The following GMDS variants were observed in gnomAD, a reference collection of about 807,000 sequenced individuals.
GMDS encodes the protein GDP-mannose 4,6-dehydratase, also known as GDP-mannose 4,6 dehydratase.
Under a neutral mutation model 49.9 loss-of-function variants are expected in GMDS, and 20 were observed. That is an observed-to-expected ratio of 0.40 (90% CI 0.28 to 0.58). GMDS has a LOEUF of 0.58. Ranked by LOEUF, GMDS falls within the 20% of genes least tolerant of loss-of-function variation. The probability of loss-of-function intolerance (pLI) is 0.42; values close to 1 mark genes in which losing one functional copy is unlikely to be tolerated. For missense variants in GMDS, 362 were observed against 481.4 expected, an observed-to-expected ratio of 0.75 and a Z score of 2.32; for synonymous variants, 177 against 178.6, an observed-to-expected ratio of 0.99 and a Z score of 0.07.
chr6:1,707,884 G>C (rs1372476587), intron 9 of GMDS, among the ~76,000 whole-genome samples: 1 of 152,218 alleles, frequency 6.6e-6, no homozygotes, highest in East Asian at 1.9e-4. Flanking sequence ...TGTTGGCAGG[G>C]CTGGGGCCCT....
chr6:1,644,747 C>T (rs1763435547), intron 9 of GMDS, among the ~76,000 whole-genome samples: 1 of 152,158 alleles, frequency 6.6e-6, no homozygotes, highest in Non-Finnish European at 1.5e-5. Context: ...GCCACCCCCA[C>T]TGCCGTTTCT....
intron 4 of GMDS, among the ~76,000 whole-genome samples, chr6:1,979,524 C>A (rs1308990579): frequency 6.6e-6 from 1 of 152,066 alleles, no homozygotes; most frequent in Non-Finnish European, 1.5e-5. Flanking sequence ...TAAACAAAAC[C>A]TCTGAGAAAT....
chr6:1,797,278 C>G (rs188574298), intron 7 of GMDS, among the ~76,000 whole-genome samples: 1 of 152,198 alleles, frequency 6.6e-6, no homozygotes, highest in Non-Finnish European at 1.5e-5. Context: ...CCCCACCCCC[C>G]AGTCAGTGGA....
chr6:1,892,161 T>C (rs28515976), intron 7 of GMDS, among the ~76,000 whole-genome samples: 1 of 152,156 alleles, frequency 6.6e-6, no homozygotes, highest in Non-Finnish European at 1.5e-5. Flanking sequence ...CCTACTTAAA[T>C]ATGACATTTC....
chr6:1,732,532 A>G (rs1766851230), intron 8 of GMDS, among the ~76,000 whole-genome samples: 1 of 152,222 alleles, frequency 6.6e-6, no homozygotes, highest in Non-Finnish European at 1.5e-5. Flanking sequence ...GGAGGCCGAC[A>G]GATAAGTCCC....
chr6:1,692,551 G>A (rs1404622864), intron 9 of GMDS, among the ~76,000 whole-genome samples: 1 of 152,146 alleles, frequency 6.6e-6, no homozygotes, highest in East Asian at 1.9e-4. Context: ...TTAGGGCATT[G>A]GAAGTTGTCC....
At chr6:1,913,388 CAAAAAA>C (rs56262461) in intron 7 of GMDS, among the ~76,000 whole-genome samples, 4 of 103,976 alleles carry the variant, frequency 3.8e-5, no homozygotes, top group Admixed American at 1.1e-4. Flanking sequence ...CTCAAACAAA[CAAAAAA>C]AAAAAAAAAA....
At chr6:1,628,048 G>A (rs1762895579) in intron 9 of GMDS, among the ~76,000 whole-genome samples, 1 of 152,164 alleles carries the variant, frequency 6.6e-6, no homozygotes, top group South Asian at 2.1e-4. Flanking sequence ...TTTGACCTTC[G>A]GGAGTTGTCC....
At chr6:1,946,299 C>G (rs1763071343) in intron 6 of GMDS, among the ~76,000 whole-genome samples, 1 of 152,204 alleles carries the variant, frequency 6.6e-6, no homozygotes, top group Admixed American at 6.5e-5. Context: ...GACAGTCACA[C>G]AGTTCCAGGG....
At chr6:1,885,684 A>G (rs188074671) in intron 7 of GMDS, among the ~76,000 whole-genome samples, 4 of 152,244 alleles carry the variant, frequency 2.6e-5, no homozygotes, top group South Asian at 2.1e-4. Flanking sequence ...CCCGCTTCCC[A>G]CGTTTAAGTG....
chr6:2,184,701 ATT>A (rs1446252190), intron 1 of GMDS, among the ~76,000 whole-genome samples: 1 of 152,218 alleles, frequency 6.6e-6, no homozygotes, highest in Non-Finnish European at 1.5e-5. Context: ...TCAATAAAAA[ATT>A]TTCTTTTAAA....
chr6:2,077,795 T>C (rs1028003117), intron 4 of GMDS, among the ~76,000 whole-genome samples: 6 of 152,160 alleles, frequency 3.9e-5, no homozygotes, highest in East Asian at 1.9e-4. Flanking sequence ...GCTGCCCTCA[T>C]AGAATGAGTT....
chr6:2,092,315 A>G (rs1161407099), intron 4 of GMDS, among the ~76,000 whole-genome samples: 3 of 152,280 alleles, frequency 2.0e-5, no homozygotes, highest in African/African-American at 7.2e-5. Context: ...ACCTGGCAAA[A>G]TATAACTTCA....
At chr6:1,698,063 G>C (rs950575723) in intron 9 of GMDS, among the ~76,000 whole-genome samples, 1 of 152,096 alleles carries the variant, frequency 6.6e-6, no homozygotes, top group African/African-American at 2.4e-5. Context: ...GTTCTAAAAA[G>C]CAAAGAGTAG....
At chr6:2,203,655 C>G (rs1247506751) in intron 1 of GMDS, among the ~76,000 whole-genome samples, 3 of 150,942 alleles carry the variant, frequency 2.0e-5, no homozygotes, top group Non-Finnish European at 4.4e-5. Flanking sequence ...GTGGTTAACA[C>G]TACGAAAAAA....
intron 9 of GMDS, among the ~76,000 whole-genome samples, chr6:1,700,428 A>G (rs960657703): frequency 1.3e-5 from 2 of 152,174 alleles, no homozygotes; most frequent in African/African-American, 4.8e-5. Flanking sequence ...TGAAAGCAGG[A>G]GGGAAGGGAG....
intron 9 of GMDS, among the ~76,000 whole-genome samples, chr6:1,716,221 C>A (rs2113408541): frequency 6.6e-6 from 1 of 152,324 alleles, no homozygotes; most frequent in Non-Finnish European, 1.5e-5. Context: ...ATGCTATAAA[C>A]AAATCTCTCT....
intron 7 of GMDS, among the ~76,000 whole-genome samples, chr6:1,761,829 C>G (rs527916325): frequency 1.3e-5 from 2 of 152,240 alleles, no homozygotes; most frequent in South Asian, 4.2e-4. Flanking sequence ...ATTCTGCTCT[C>G]CTGCCAATTT....
chr6:1,738,491 C>T (rs115181581), intron 8 of GMDS, among the ~76,000 whole-genome samples: 4 of 152,144 alleles, frequency 2.6e-5, no homozygotes, highest in African/African-American at 9.7e-5. Flanking sequence ...ACGTGTCAAG[C>T]CTTTTCGGAG....
Sources: allele counts gnomAD v4.1 joint callset (sites outside exome capture counted in the v4.1 genomes callset), GRCh38; gene constraint gnomAD v4.1.1; transcripts MANE v1.5; gene names NCBI Gene and HGNC (gene_info 2026-07-23, HGNC 2026-07-21).